The following KCTD1 variants were observed in gnomAD, a reference collection of about 807,000 sequenced individuals.
The protein encoded by KCTD1 is BTB/POZ domain-containing protein KCTD1.
Under a neutral mutation model 66.0 loss-of-function variants are expected in KCTD1, and 24 were observed. That is an observed-to-expected ratio of 0.36 (90% CI 0.26 to 0.51). The LOEUF (loss-of-function observed/expected upper bound fraction) is 0.51, where lower values mean the gene tolerates loss of function less well. Among genes scored for constraint, KCTD1 ranks in the 20% least tolerant of loss-of-function variants. The pLI, the probability that KCTD1 is intolerant of heterozygous loss-of-function variation, is 0.95. For missense variants in KCTD1, 943 were observed against 1,205.2 expected, an observed-to-expected ratio of 0.78 and a Z score of 3.22; for synonymous variants, 511 against 517.2, an observed-to-expected ratio of 0.99 and a Z score of 0.16.
chr18:26,554,001 A>G (rs1303448437), intron 1 of KCTD1, among the ~76,000 whole-genome samples: 1 of 151,898 alleles, frequency 6.6e-6, no homozygotes, highest in Non-Finnish European at 1.5e-5. Context: ...AAAGATAAAA[A>G]GAAAAAAGAA....
intron 1 of KCTD1, among the ~76,000 whole-genome samples, chr18:26,606,811 G>C (rs914158658): frequency 2.0e-5 from 3 of 152,232 alleles, no homozygotes; most frequent in African/African-American, 7.2e-5. Context: ...CATAAAGACT[G>C]GTTGCTGCTT....
At chr18:26,635,171 G>A (rs1003718801) in intron 1 of KCTD1, among the ~76,000 whole-genome samples, 1 of 151,952 alleles carries the variant, frequency 6.6e-6, no homozygotes, top group Non-Finnish European at 1.5e-5. Flanking sequence ...CAATTTCTGA[G>A]TTTTTTCTTG....
At chr18:26,505,736 T>C (rs1983001349) in intron 1 of KCTD1, among the ~76,000 whole-genome samples, 1 of 152,144 alleles carries the variant, frequency 6.6e-6, no homozygotes, top group Non-Finnish European at 1.5e-5. Context: ...AATAACATTT[T>C]TTTGTAGACA....
At chr18:26,607,262 C>T (rs929427727) in intron 1 of KCTD1, among the ~76,000 whole-genome samples, 7 of 152,242 alleles carry the variant, frequency 4.6e-5, no homozygotes, top group Admixed American at 3.9e-4. Flanking sequence ...TAACTTTGGC[C>T]TCAAGTGATA....
chr18:26,465,907 C>T (rs1980702165), intron 3 of KCTD1, among the ~76,000 whole-genome samples: 1 of 152,200 alleles, frequency 6.6e-6, no homozygotes, highest in South Asian at 2.1e-4. Context: ...CAGTACCAGA[C>T]AGCGCTAGTC....
Position 26,571,763 on chromosome 18 carries a change from G to C in KCTD1, c.-16+57384C>G, listed in dbSNP as rs139197976. ...AAATATGGTATGGTGACCGTGCATA[G>C]TAACTGGCATTCATAGTGTAACCCA... On this transcript the variant is annotated intron_variant, in intron 1 of 4. Coordinates refer to the KCTD1 transcript ENST00000317932. 2.3e-4 allele frequency among the ~76,000 whole-genome samples: 35 copies of C among 152,248 alleles called. No individual in the cohort carries two copies. In the East Asian group the frequency reaches 6.2e-3, roughly 27 times the overall value.
chr18:26,483,747 A>ATGTG (rs146149128), intron 2 of KCTD1, among the ~76,000 whole-genome samples: 3 of 150,334 alleles, frequency 2.0e-5, no homozygotes, highest in Admixed American at 6.6e-5. Flanking sequence ...CACAACGGAG[A>ATGTG]TGTGTGTGTG....
chr18:26,474,204 T>C (rs1981223602), intron 3 of KCTD1, among the ~76,000 whole-genome samples: 2 of 152,204 alleles, frequency 1.3e-5, no homozygotes, highest in South Asian at 4.1e-4. Context: ...ATCTACCACA[T>C]CTTTTAAACT....
At chr18:26,517,416 G>A (rs750738748) in intron 1 of KCTD1, among the ~76,000 whole-genome samples, 1 of 152,182 alleles carries the variant, frequency 6.6e-6, no homozygotes, top group Admixed American at 6.5e-5. Context: ...AACACTTTGG[G>A]AGGCTGAGGT....
At chr18:26,601,346 A>AAAAAAG (rs1555646209) in intron 1 of KCTD1, among the ~76,000 whole-genome samples, 1 of 150,724 alleles carries the variant, frequency 6.6e-6, no homozygotes, top group African/African-American at 2.4e-5. Flanking sequence ...AAAAAAAAAA[A>AAAAAAG]AAAGAAAGAA....
chr18:26,475,311 G>C (rs146727798), intron 3 of KCTD1, among the ~76,000 whole-genome samples: 383 of 152,090 alleles, frequency 2.5e-3, no homozygotes, highest in African/African-American at 8.6e-3. Flanking sequence ...TATTACTTAA[G>C]TGGGTTTGCA....
chr18:26,499,012 T>C (rs148951079), intron 2 of KCTD1, among the ~76,000 whole-genome samples: 1 of 152,250 alleles, frequency 6.6e-6, no homozygotes, highest in African/African-American at 2.4e-5. Flanking sequence ...CTGGCGGGAA[T>C]GAGTCAGTGG....
At chr18:26,511,430 C>T (rs1983322501) in intron 1 of KCTD1, among the ~76,000 whole-genome samples, 3 of 152,206 alleles carry the variant, frequency 2.0e-5, no homozygotes, top group African/African-American at 7.2e-5. Flanking sequence ...TAAAACATTG[C>T]AAGAGCAAAA....
intron 3 of KCTD1, among the ~76,000 whole-genome samples, chr18:26,472,368 T>C (rs920285021): frequency 1.3e-5 from 2 of 152,212 alleles, no homozygotes; most frequent in African/African-American, 2.4e-5. Flanking sequence ...TACATGTCTG[T>C]AGCTGTGATA....
intron 1 of KCTD1, among the ~76,000 whole-genome samples, chr18:26,571,872 G>A (rs1422761980): frequency 6.6e-6 from 1 of 152,106 alleles, no homozygotes; most frequent in Non-Finnish European, 1.5e-5. Context: ...AATGTTCCAT[G>A]TTGCCTCTTT....
chr18:26,567,650 G>C (rs1318736135), intron 1 of KCTD1, among the ~76,000 whole-genome samples: 1 of 151,928 alleles, frequency 6.6e-6, no homozygotes, highest in Non-Finnish European at 1.5e-5. Flanking sequence ...ACCACACTTG[G>C]CTAATTTTTG....
upstream of KCTD1, among the ~76,000 whole-genome samples, chr18:26,633,959 T>A (rs1385392001): frequency 5.3e-5 from 8 of 152,198 alleles, no homozygotes; most frequent in Admixed American, 5.2e-4. Context: ...AACTGTGGTA[T>A]ATGCATACAA....
At chr18:26,570,714 A>G (rs1239903506) in intron 1 of KCTD1, among the ~76,000 whole-genome samples, 1 of 152,130 alleles carries the variant, frequency 6.6e-6, no homozygotes, top group Non-Finnish European at 1.5e-5. Flanking sequence ...CCGGGCCTCT[A>G]TTACTTTCTG....
chr18:26,548,120 C>T lies in KCTD1; in HGVS notation c.417G>A (p.Leu139=). The T allele has an allele frequency of 1.5e-6, 2 of 1,309,918 alleles. No homozygotes were observed. Among genetic ancestry groups the T allele is most frequent in the Non-Finnish European group, 1.9e-6 (2 of 1,038,700 alleles). The allele number at this position is 1,309,918 out of a possible 1,614,324, so 81.1% of individuals were successfully genotyped here. A position where few individuals can be genotyped will look rare whatever the true frequency, so the allele number is the denominator to read the frequency against. The part of the protein sequence containing the change: ...AALEPEAPPR[L]LAPRARGGPP... ...GCCCACCGCGGGCCCGGGGCGCCAGCAGTCGCGGCGGCGCCTCGGGCTCCA... is the reference window on the plus strand; with the variant it reads ...GCCCACCGCGGGCCCGGGGCGCCAGTAGTCGCGGCGGCGCCTCGGGCTCCA... The change falls in exon 1 of 5, where the codon CTG becomes CTA. Residue 139 remains leucine, a synonymous_variant. Coordinates refer to ENST00000580059, the MANE Select transcript of KCTD1 (RefSeq NM_001142730.3).
Sources: gnomAD v4.1 joint callset for allele counts (sites outside exome capture counted in the v4.1 genomes callset) on GRCh38, gnomAD v4.1.1 for gene constraint, MANE v1.5 for transcripts, NCBI Gene and HGNC (gene_info 2026-07-23, HGNC 2026-07-21) for gene names.